The following NEK7 variants were observed in gnomAD, a reference collection of about 807,000 sequenced individuals.
NEK7 encodes the protein serine/threonine-protein kinase Nek7.
In NEK7, 18 loss-of-function variants were observed where a neutral mutation model predicts 44.6. The ratio of observed to expected loss-of-function variants is 0.40; its 90% CI spans 0.28 to 0.60. The LOEUF is 0.60. Ranked by LOEUF, NEK7 falls within the 20% of genes least tolerant of loss-of-function variation. The pLI is 0.38. For synonymous variants in NEK7, 130 were observed against 121.1 expected (o/e 1.07, Z -0.48); for missense variants, 256 against 366.5 (o/e 0.70, Z 2.46).
rs76171440 is a variant in NEK7 at position 198,188,344 on chromosome 1, G to T, written c.-29+31068G>T. ...GATGAAAGCAAGGCAGTTTTTTAAAGCACAGCAAACAGCAGGAGTATCAGC... is the reference window on the plus strand; with the variant it reads ...GATGAAAGCAAGGCAGTTTTTTAAATCACAGCAAACAGCAGGAGTATCAGC... On this transcript the variant is annotated intron_variant, in intron 1 of 9. Transcript: ENST00000367385. Among the ~76,000 whole-genome samples the T allele has an allele frequency of 2.8e-3, 421 of 152,268 alleles. 3 individuals carry two copies. Among genetic ancestry groups the T allele is most frequent in the African/African-American group, 9.6e-3 (400 of 41,552 alleles).
Position 198,278,065 on chromosome 1 carries a change from T to C in NEK7, c.477T>C (p.His159=). 2 of 1,494,620 alleles carry C rather than the reference T, an allele frequency of 1.3e-6. No homozygotes were observed. The highest frequency in any genetic ancestry group is 3.4e-5 in the Admixed American group (2 of 58,972). The allele number at this position is 1,494,620 out of a possible 1,614,324, so 92.6% of individuals were successfully genotyped here. A position where few individuals can be genotyped will look rare whatever the true frequency, so the allele number is the denominator to read the frequency against. The change falls in exon 6 of 10, where the codon CAT becomes CAC. Residue 159 remains histidine, a synonymous_variant. Transcript: ENST00000367385. ...ACATGCATTCTCGAAGAGTCATGCATAGAGGTAAGATAAAATCATTAAGTA... is the reference window on the plus strand; with the variant it reads ...ACATGCATTCTCGAAGAGTCATGCACAGAGGTAAGATAAAATCATTAAGTA... The part of the protein sequence containing the change: ...LEHMHSRRVM[H]RDIKPANVFI...
At chr1:198,213,693 C>A (rs927043784) in intron 1 of NEK7, among the ~76,000 whole-genome samples, 1 of 152,122 alleles carries the variant, frequency 6.6e-6, no homozygotes, top group Non-Finnish European at 1.5e-5. Context: ...GGGTCGCTTT[C>A]CTGCTGGCCT....
intron 1 of NEK7, among the ~76,000 whole-genome samples, chr1:198,157,685 C>T (rs889861086): frequency 3.9e-5 from 6 of 152,198 alleles, no homozygotes; most frequent in African/African-American, 1.2e-4. Flanking sequence ...TTGGTGAAGT[C>T]CGTCTGTCAG....
intron 8 of NEK7, among the ~76,000 whole-genome samples, chr1:198,294,988 C>T (rs1029849348): frequency 5.9e-5 from 9 of 151,376 alleles, no homozygotes; most frequent in Non-Finnish European, 1.3e-4. Flanking sequence ...TGTATTGTAC[C>T]CACTAAAAAA....
intron 9 of NEK7, among the ~76,000 whole-genome samples, chr1:198,311,200 A>G (rs1447042570): frequency 1.4e-5 from 2 of 144,078 alleles, no homozygotes; most frequent in Non-Finnish European, 3.0e-5. Context: ...CTTTGAAGCA[A>G]TTGTGAATGG....
At chr1:198,260,093 G>A (rs1383983747) in intron 3 of NEK7, among the ~76,000 whole-genome samples, 1 of 152,104 alleles carries the variant, frequency 6.6e-6, no homozygotes, top group Non-Finnish European at 1.5e-5. Context: ...ATTTTTATAT[G>A]TAGAAAGGGT....
intron 2 of NEK7, among the ~76,000 whole-genome samples, chr1:198,235,416 C>G (rs1430638074): frequency 1.3e-5 from 2 of 152,082 alleles, no homozygotes; most frequent in East Asian, 3.8e-4. Context: ...ATTCTTTCCA[C>G]TAACATCTAG....
At chr1:198,295,463 C>T (rs1367350643) in intron 8 of NEK7, among the ~76,000 whole-genome samples, 2 of 151,952 alleles carry the variant, frequency 1.3e-5, no homozygotes, top group African/African-American at 2.4e-5. Context: ...GAGGAGAGGG[C>T]GAGCAGCTGT....
At chr1:198,310,150 T>C (rs1354607836) in intron 9 of NEK7, among the ~76,000 whole-genome samples, 1 of 152,162 alleles carries the variant, frequency 6.6e-6, no homozygotes, top group Non-Finnish European at 1.5e-5. Flanking sequence ...CTGGTGTGAA[T>C]TGGTATCTCA....
intron 9 of NEK7, among the ~76,000 whole-genome samples, chr1:198,300,625 C>G (rs1654855221): frequency 6.6e-6 from 1 of 152,212 alleles, no homozygotes; most frequent in Non-Finnish European, 1.5e-5. Context: ...TGCAGACTGT[C>G]AAGCTCCTGC....
chr1:198,280,965 A>G (rs1179657855), intron 7 of NEK7, among the ~76,000 whole-genome samples: 2 of 151,728 alleles, frequency 1.3e-5, no homozygotes, highest in African/African-American at 4.8e-5. Flanking sequence ...GAAAAAATAT[A>G]TCCTTAAAAT....
chr1:198,253,045 C>T lies in NEK7; in HGVS notation c.63C>T (p.Ala21=), dbSNP rs1052541549. The T allele has an allele frequency of 6.2e-7, 1 of 1,604,482 alleles. No homozygotes were observed. The change falls in exon 3 of 10, where the codon GCC becomes GCT. Residue 21 remains alanine, a synonymous_variant. Coordinates refer to ENST00000367385, the MANE Select transcript of NEK7 (RefSeq NM_133494.3). ...TCTGACATTTTTAATTACAGAAGGC[C>T]TTACGACCGGATATGGGCTATAATA... ...PPVPQFQPQK[A]LRPDMGYNTL... is the part of the protein sequence containing the mutation.
At chr1:198,214,608 A>G (rs541971085) in intron 1 of NEK7, among the ~76,000 whole-genome samples, 1 of 152,332 alleles carries the variant, frequency 6.6e-6, no homozygotes, top group African/African-American at 2.4e-5. Context: ...AGGCTTTCAA[A>G]TTAACCCAGT....
chr1:198,226,406 G>A (rs1245816207), intron 1 of NEK7, among the ~76,000 whole-genome samples: 4 of 151,790 alleles, frequency 2.6e-5, no homozygotes, highest in Admixed American at 6.6e-5. Context: ...TTAGCTGGGC[G>A]TGGTGGCACA....
intron 1 of NEK7, among the ~76,000 whole-genome samples, chr1:198,189,692 G>A (rs1665019300): frequency 6.6e-6 from 1 of 151,988 alleles, no homozygotes; most frequent in Admixed American, 6.6e-5. Context: ...TGTTCTTTTG[G>A]GACAAACAGC....
chr1:198,183,715 A>G (rs1664833468), intron 1 of NEK7, among the ~76,000 whole-genome samples: 1 of 152,168 alleles, frequency 6.6e-6, no homozygotes, highest in Non-Finnish European at 1.5e-5. Context: ...AAGATGAAAC[A>G]GGGTTAAGCA....
chr1:198,253,696 G>A (rs765637592), intron 3 of NEK7, among the ~76,000 whole-genome samples: 2 of 152,144 alleles, frequency 1.3e-5, no homozygotes, highest in African/African-American at 2.4e-5. Flanking sequence ...TTGTATTTGT[G>A]TCATTCTGGA....
Position 198,264,257 on chromosome 1 carries a change from T to C in NEK7, c.372+22T>C, listed in dbSNP as rs748691722. The C allele has an allele frequency of 3.2e-6, 5 of 1,541,790 alleles. No individual in the cohort carries two copies. The Middle Eastern group carries it at 6.8e-4, about 210-fold the overall frequency. ...CAAGGTAAGTTTTGAAAAAATTGTC[T>C]TAATGTTTTGTTTTGTTTTTTTTTC... On this transcript the variant is annotated intron_variant, in intron 5 of 9. Transcript: ENST00000367385.
At chr1:198,222,506 A>ATTT in intron 1 of NEK7, among the ~76,000 whole-genome samples, 1 of 151,950 alleles carries the variant, frequency 6.6e-6, no homozygotes. Context: ...CCCCTCTATT[A>ATTT]CCTACTTTTG....
Sources: allele counts gnomAD v4.1 joint callset (sites outside exome capture counted in the v4.1 genomes callset), GRCh38; gene constraint gnomAD v4.1.1; transcripts MANE v1.5; gene names NCBI Gene and HGNC (gene_info 2026-07-23, HGNC 2026-07-21).